The following TTC39B variants were observed in gnomAD, a reference collection of about 807,000 sequenced individuals.
TTC39B encodes tetratricopeptide repeat protein 39B.
Under a neutral mutation model 96.6 loss-of-function variants are expected in TTC39B, and 92 were observed. That is an observed-to-expected ratio of 0.95 (90% confidence interval 0.80 to 1.13). TTC39B has a LOEUF of 1.13. TTC39B is among the 50% of genes most tolerant of loss of function. The pLI, the probability that TTC39B is intolerant of heterozygous loss-of-function variation, is 0.00. For missense variants in TTC39B, 955 were observed against 809.3 expected (o/e 1.18, Z -2.18); for synonymous variants, 367 against 299.4 (o/e 1.23, Z -2.33).
chr9:15,168,129 G>C (rs1350740951), exon 20 of TTC39B: 1 of 152,220 alleles, frequency 6.6e-6, no homozygotes, highest in Non-Finnish European at 1.5e-5. Flanking sequence ...AGTGCAGCAC[G>C]TATGAGTGAA....
chr9:15,198,347 C>A (rs1054759561), intron 8 of TTC39B, among the ~76,000 whole-genome samples: 1 of 151,692 alleles, frequency 6.6e-6, no homozygotes, highest in South Asian at 2.1e-4. Context: ...GTCCTAGCTG[C>A]TCGGGAGGCT....
At chr9:15,202,224 G>A (rs1361095667) in intron 7 of TTC39B, among the ~76,000 whole-genome samples, 1 of 152,078 alleles carries the variant, frequency 6.6e-6, no homozygotes, top group East Asian at 1.9e-4. Context: ...TTGGAAAACA[G>A]AAAAAAACTT....
At chr9:15,184,947 A>C (rs534243927) in intron 16 of TTC39B, among the ~76,000 whole-genome samples, 1 of 152,188 alleles carries the variant, frequency 6.6e-6, no homozygotes, top group Non-Finnish European at 1.5e-5. Flanking sequence ...TTGCATTAGA[A>C]TTCAACTCAA....
intron 3 of TTC39B, among the ~76,000 whole-genome samples, chr9:15,219,440 A>G (rs1031868793): frequency 2.0e-5 from 3 of 152,198 alleles, no homozygotes; most frequent in Admixed American, 1.3e-4. Flanking sequence ...TCTGATTCAT[A>G]AGATCTATTG....
chr9:15,170,432 C>T (rs1484223827), exon 20 of TTC39B: 1 of 152,152 alleles, frequency 6.6e-6, no homozygotes, highest in Non-Finnish European at 1.5e-5. Context: ...TGTGTTGATA[C>T]TGTAATCCAG....
intron 4 of TTC39B, among the ~76,000 whole-genome samples, chr9:15,212,978 C>G (rs1379342124): frequency 2.6e-5 from 4 of 152,054 alleles, no homozygotes; most frequent in Admixed American, 6.6e-5. Context: ...TATAAATGTT[C>G]CTGACACTAA....
rs897867726 is a variant in TTC39B at position 15,200,748 on chromosome 9, C to T, written c.760-823G>A. Among the ~76,000 whole-genome samples, 4 of 152,234 alleles carry T rather than the reference C, an allele frequency of 2.6e-5. No individual in the cohort carries two copies. In the East Asian group the frequency reaches 7.7e-4, roughly 29 times the overall value. On this transcript the variant is annotated intron_variant, in intron 7 of 19. Coordinates refer to ENST00000512701, the Ensembl canonical transcript of TTC39B. Reference sequence around the variant, plus strand: ...GGGCGTGGTGGCTCACGCCTATAATCCCAGCACTTTGGGAGGCCGAGGCGG... The same window carrying T: ...GGGCGTGGTGGCTCACGCCTATAATTCCAGCACTTTGGGAGGCCGAGGCGG...
exon 20 of TTC39B, chr9:15,164,241 G>C (rs1308299706): frequency 1.3e-5 from 2 of 152,154 alleles, no homozygotes; most frequent in Non-Finnish European, 2.9e-5. Flanking sequence ...AATGTAATGA[G>C]AAGAGAAAAA....
At chr9:15,283,269 TTAAA>T (rs756307676) in intron 1 of TTC39B, among the ~76,000 whole-genome samples, 4 of 152,258 alleles carry the variant, frequency 2.6e-5, no homozygotes, top group Non-Finnish European at 5.9e-5. Flanking sequence ...ATGCTATTTC[TTAAA>T]TGAATGCAAG....
At chr9:15,195,422 G>T (rs1399815259) in intron 8 of TTC39B, among the ~76,000 whole-genome samples, 1 of 152,116 alleles carries the variant, frequency 6.6e-6, no homozygotes, top group African/African-American at 2.4e-5. Flanking sequence ...TGTAATCTTA[G>T]CACTTTGGGT....
At chr9:15,230,169 T>C (rs184250518) in intron 2 of TTC39B, among the ~76,000 whole-genome samples, 329 of 152,328 alleles carry the variant, frequency 2.2e-3, no homozygotes, top group African/African-American at 7.6e-3. Context: ...TATTAGTACA[T>C]TGGAATATAT....
intron 2 of TTC39B, among the ~76,000 whole-genome samples, chr9:15,229,625 G>A (rs545250815): frequency 2.5e-4 from 38 of 152,216 alleles, no homozygotes; most frequent in African/African-American, 7.5e-4. Flanking sequence ...ACTGACATGC[G>A]TTGATTCCAT....
intron 7 of TTC39B, among the ~76,000 whole-genome samples, chr9:15,201,375 G>C (rs1208180982): frequency 1.3e-5 from 2 of 152,288 alleles, no homozygotes; most frequent in East Asian, 3.9e-4. Context: ...AATATGTTAA[G>C]GGAGGGCGTC....
exon 1 of TTC39B, chr9:15,307,211 C>A (rs756273957): frequency 2.6e-6 from 4 of 1,558,360 alleles, no homozygotes; most frequent in East Asian, 2.4e-5. Context: ...CAGCCCAGCG[C>A]AAAGGAGGGC....
At chr9:15,287,407 G>A (rs560629967) in intron 1 of TTC39B, among the ~76,000 whole-genome samples, 2 of 152,296 alleles carry the variant, frequency 1.3e-5, no homozygotes, top group East Asian at 1.9e-4. Flanking sequence ...ACAGAGTTAC[G>A]GAAGAGATGA....
At chr9:15,183,894 G>C (rs1213684939) in intron 16 of TTC39B, among the ~76,000 whole-genome samples, 1 of 152,166 alleles carries the variant, frequency 6.6e-6, no homozygotes, top group Non-Finnish European at 1.5e-5. Context: ...CACAGAATGG[G>C]CCTGTCTGAT....
exon 20 of TTC39B, chr9:15,166,849 A>G (rs1049517022): frequency 3.3e-5 from 5 of 150,704 alleles, no homozygotes; most frequent in Non-Finnish European, 7.4e-5. Context: ...CTATAGATAC[A>G]TGTATCTTAT....
intron 2 of TTC39B, among the ~76,000 whole-genome samples, chr9:15,226,730 T>A (rs1041638033): frequency 6.6e-6 from 1 of 152,210 alleles, no homozygotes; most frequent in Non-Finnish European, 1.5e-5. Flanking sequence ...CAATTTGCCT[T>A]GCAGAATCTT....
intron 2 of TTC39B, among the ~76,000 whole-genome samples, chr9:15,235,431 A>G (rs1195826684): frequency 6.6e-6 from 1 of 152,206 alleles, no homozygotes; most frequent in African/African-American, 2.4e-5. Flanking sequence ...CTTTCTACAG[A>G]GGTGAACATA....
Sources: allele counts gnomAD v4.1 joint callset (sites outside exome capture counted in the v4.1 genomes callset), GRCh38; gene constraint gnomAD v4.1.1; transcripts MANE v1.5; gene names NCBI Gene and HGNC (gene_info 2026-07-23, HGNC 2026-07-21).